The following DMD variants were observed in gnomAD, a reference collection of about 807,000 sequenced individuals.
DMD encodes mutant dystrophin.
In DMD, 63 loss-of-function variants were observed where a neutral mutation model predicts 330.1. That is an observed-to-expected ratio of 0.19 (90% CI 0.16 to 0.24). The LOEUF (loss-of-function observed/expected upper bound fraction) is 0.24, where lower values mean the gene tolerates loss of function less well. Ranked by LOEUF, DMD falls within the 10% of genes least tolerant of loss-of-function variation. DMD has a pLI of 1.00. For missense variants in DMD, 3,344 were observed against 2,684.1 expected (o/e 1.25, Z -5.43); for synonymous variants, 1,223 against 959.8 (o/e 1.27, Z -5.07).
At chrX:31,871,274 A>G (rs2093885468) in intron 48 of DMD, among the ~76,000 whole-genome samples, 1 of 111,174 alleles carries the variant, frequency 9.0e-6, no homozygotes, top group Admixed American at 9.7e-5. Flanking sequence ...CAAGATGAAT[A>G]TTGCTATTTG....
At chrX:32,126,124 G>A (rs756854667) in intron 44 of DMD, among the ~76,000 whole-genome samples, 61 of 112,081 alleles carry the variant, frequency 5.4e-4, no homozygotes, top group African/African-American at 1.8e-3. Context: ...TTGACTCTGT[G>A]CCAGAAGAGA....
At chrX:31,317,786 C>T (rs1033223528) in intron 62 of DMD, among the ~76,000 whole-genome samples, 8 of 111,686 alleles carry the variant, frequency 7.2e-5, no homozygotes, top group African/African-American at 2.3e-4. Flanking sequence ...GCTGGGATTA[C>T]AGGCGTGAGC....
At chrX:32,597,309 T>C (rs2055672122) in intron 12 of DMD, among the ~76,000 whole-genome samples, 1 of 111,603 alleles carries the variant, frequency 9.0e-6, no homozygotes, top group Non-Finnish European at 1.9e-5. Flanking sequence ...TTGTCTCTAC[T>C]TACTATAATA....
chrX:31,257,595 G>C (rs1324990626), intron 63 of DMD, among the ~76,000 whole-genome samples: 1 of 111,555 alleles, frequency 9.0e-6, no homozygotes, highest in South Asian at 3.8e-4. Flanking sequence ...CTGAAACACT[G>C]TAATTTTGGA....
At chrX:31,995,664 T>TA (rs1157701937) in intron 44 of DMD, among the ~76,000 whole-genome samples, 1 of 111,609 alleles carries the variant, frequency 9.0e-6, no homozygotes, top group Admixed American at 9.5e-5. Context: ...AAGAGCAAAT[T>TA]AACTTTCCCT....
At chrX:31,589,844 G>A (rs1323181075) in intron 55 of DMD, among the ~76,000 whole-genome samples, 2 of 111,272 alleles carry the variant, frequency 1.8e-5, no homozygotes, top group East Asian at 2.8e-4. Context: ...AAGGCCTGAC[G>A]TGACCATTAC....
rs760932600 is a variant in DMD at position 32,697,898 on chromosome X, T to C, written c.932A>G (p.Asp311Gly). 107 of 1,207,294 alleles carry C rather than the reference T, an allele frequency of 8.9e-5. No individual in the cohort carries two copies. In the South Asian group the frequency reaches 1.8e-3, roughly 21 times the overall value. ...YTQAAYVTTS[D>G]PTRSPFPSQH... ...TGAAGGAAATGGGCTCCGTGTAGGG[T>C]CAGAGGTGGTGACATAAGCAGCCTG... Residue 311 changes from aspartate to glycine, a missense_variant, in exon 9 of 79, where the codon GAC becomes GGC. Physicochemically the swap from Asp to Gly is moderately conservative, Grantham distance 94. Transcript: ENST00000357033.
intron 55 of DMD, among the ~76,000 whole-genome samples, chrX:31,557,443 C>G (rs1287465921): frequency 8.9e-6 from 1 of 111,805 alleles, no homozygotes; most frequent in African/African-American, 3.3e-5. Flanking sequence ...AGAGTCATCT[C>G]CAGTCTGGGT....
At chrX:32,736,642 C>A (rs1171468233) in intron 7 of DMD, among the ~76,000 whole-genome samples, 2 of 109,183 alleles carry the variant, frequency 1.8e-5, no homozygotes, top group Admixed American at 9.8e-5. Flanking sequence ...TGGAAATCAT[C>A]ATTCTCAGTA....
At chrX:32,234,357 A>G (rs1013828918) in intron 43 of DMD, among the ~76,000 whole-genome samples, 2 of 111,731 alleles carry the variant, frequency 1.8e-5, no homozygotes, top group African/African-American at 6.5e-5. Context: ...TGAAATTGTG[A>G]CATTTGACAT....
chrX:32,199,993 T>C (rs772941329), intron 44 of DMD, among the ~76,000 whole-genome samples: 1 of 110,984 alleles, frequency 9.0e-6, no homozygotes, highest in Admixed American at 9.7e-5. Context: ...CATAGCCCCC[T>C]ATACCTTTCC....
intron 30 of DMD, among the ~76,000 whole-genome samples, chrX:32,398,622 T>A (rs1413428819): frequency 9.0e-6 from 1 of 111,690 alleles, no homozygotes; most frequent in Non-Finnish European, 1.9e-5. Context: ...TTATTACTTG[T>A]AATATACCTG....
At chrX:31,800,933 A>G (rs1312548724) in intron 50 of DMD, among the ~76,000 whole-genome samples, 1 of 111,115 alleles carries the variant, frequency 9.0e-6, no homozygotes, top group Non-Finnish European at 1.9e-5. Context: ...ACCATTCAAC[A>G]AGTCTCTAGG....
chrX:31,994,176 A>G (rs1212052722), intron 44 of DMD, among the ~76,000 whole-genome samples: 12 of 111,757 alleles, frequency 1.1e-4, no homozygotes, highest in Admixed American at 5.7e-4. Flanking sequence ...TTTATCCCTT[A>G]GTTGCCCATG....
intron 41 of DMD, among the ~76,000 whole-genome samples, chrX:32,330,641 CTTTT>C (rs985248042): frequency 9.0e-6 from 1 of 110,927 alleles, no homozygotes; most frequent in Non-Finnish European, 1.9e-5. Flanking sequence ...AATTCTTGTT[CTTTT>C]TTTTCTTCAT....
chrX:32,465,567 T>G (rs369605854), intron 23 of DMD, among the ~76,000 whole-genome samples: 8,375 of 63,155 alleles, frequency 0.13, 631 homozygotes, highest in African/African-American at 0.19. Flanking sequence ...GTCTTTTTTT[T>G]TTTGTTTGTT....
At chrX:31,234,800 T>A (rs922663511) in intron 63 of DMD, among the ~76,000 whole-genome samples, 1 of 111,493 alleles carries the variant, frequency 9.0e-6, no homozygotes, top group African/African-American at 3.3e-5. Flanking sequence ...AATATTGCAA[T>A]AGTGGGAAAG....
chrX:32,436,330 T>C (rs751814507), intron 29 of DMD, among the ~76,000 whole-genome samples: 152 of 111,922 alleles, frequency 1.4e-3, no homozygotes, highest in African/African-American at 4.8e-3. Context: ...AGTGACTGAG[T>C]GGTTTCTGTG....
intron 30 of DMD, among the ~76,000 whole-genome samples, chrX:32,401,193 AG>A (rs1306637136): frequency 3.2e-4 from 10 of 31,034 alleles, no homozygotes; most frequent in African/African-American, 1.5e-3. Context: ...GGGTGGGGGG[AG>A]GGGGGAGGGA....
Sources: allele counts gnomAD v4.1 joint callset (sites outside exome capture counted in the v4.1 genomes callset), GRCh38; gene constraint gnomAD v4.1.1; transcripts MANE v1.5; gene names NCBI Gene and HGNC (gene_info 2026-07-23, HGNC 2026-07-21).